HSD17B12: variants seen among roughly 807,000 people sequenced by gnomAD.
HSD17B12 encodes hydroxysteroid 17-beta dehydrogenase 12.
HSD17B12 carries 32 observed loss-of-function variants against 39.3 expected under a neutral mutation model. The ratio of observed to expected loss-of-function variants is 0.81; its 90% confidence interval spans 0.61 to 1.09. The LOEUF is 1.09. Ranked by LOEUF, HSD17B12 falls within the 50% of genes least tolerant of loss-of-function variation. The pLI, the probability that HSD17B12 is intolerant of heterozygous loss-of-function variation, is 0.00. For missense variants in HSD17B12, 342 were observed against 382.9 expected (o/e 0.89, Z 0.89); for synonymous variants, 150 against 146.7 (o/e 1.02, Z -0.16).
chr11:43,610,462 G>A, the HSD17B12 span, among the ~76,000 whole-genome samples: 1 of 152,158 alleles, frequency 6.6e-6, no homozygotes, highest in South Asian at 2.1e-4. Context: ...AAGACCACTA[G>A]CTCAATAGGA....
chr11:43,567,199 T>G, the HSD17B12 span, among the ~76,000 whole-genome samples: 1 of 152,202 alleles, frequency 6.6e-6, no homozygotes, highest in African/African-American at 2.4e-5. Context: ...CTTTAATGGC[T>G]GTCACTCTAG....
chr11:43,743,540 A>G (rs1314561024), intron 1 of HSD17B12, among the ~76,000 whole-genome samples: 2 of 152,158 alleles, frequency 1.3e-5, no homozygotes, highest in African/African-American at 4.8e-5. Flanking sequence ...TGTGCTTGAG[A>G]CTCAGGGAAA....
rs1565049669 is a variant in HSD17B12, at chr11:43,690,386, A to ATTTTTTTTT, written c.160+9400_160+9401insTTTTTTTTT. Among the ~76,000 whole-genome samples, 4 of 10,310 alleles carry ATTTTTTTTT rather than the reference A, an allele frequency of 3.9e-4. 1 individual carries two copies. The Admixed American group carries it at 3.9e-3, about 10-fold the overall frequency. 6.8% of individuals were successfully genotyped at this position (10,310 alleles called of 152,430 possible). A position where few individuals can be genotyped will look rare whatever the true frequency, so the allele number is the denominator to read the frequency against. On this transcript the variant is annotated intron_variant, in intron 1 of 10. Transcript: ENST00000278353. ...CATATATATATATATATATATATAT[A>ATTTTTTTTT]TATATATATATATATATATTTTTTT... is the stretch of plus-strand genomic sequence containing the variant.
the HSD17B12 span, among the ~76,000 whole-genome samples, chr11:43,577,331 G>A: frequency 6.6e-6 from 1 of 152,142 alleles, no homozygotes; most frequent in Non-Finnish European, 1.5e-5. Context: ...TGAGAGCTTT[G>A]GGGGGAAGGA....
At chr11:43,633,531 C>T in the HSD17B12 span, among the ~76,000 whole-genome samples, 9 of 151,358 alleles carry the variant, frequency 5.9e-5, no homozygotes, top group Admixed American at 5.3e-4. Context: ...GACCTTGTCT[C>T]AAAAAATAAA....
chr11:43,559,363 T>C, the HSD17B12 span, among the ~76,000 whole-genome samples: 2 of 152,190 alleles, frequency 1.3e-5, no homozygotes, highest in African/African-American at 4.8e-5. Context: ...TCCAGAAGAA[T>C]AGCACCTAAA....
At chr11:43,648,446 G>A in the HSD17B12 span, among the ~76,000 whole-genome samples, 1 of 151,994 alleles carries the variant, frequency 6.6e-6, no homozygotes, top group Admixed American at 6.6e-5. Flanking sequence ...ATGTATAGCT[G>A]TAGCTTCTTT....
chr11:43,792,070 A>G (rs1045723956), intron 3 of HSD17B12, among the ~76,000 whole-genome samples: 1 of 152,198 alleles, frequency 6.6e-6, no homozygotes, highest in African/African-American at 2.4e-5. Context: ...CTTCTGGTAC[A>G]CAATCACCTT....
chr11:43,631,311 A>G, the HSD17B12 span, among the ~76,000 whole-genome samples: 7 of 152,318 alleles, frequency 4.6e-5, no homozygotes, highest in South Asian at 6.2e-4. Context: ...GCATCTCTTT[A>G]TAAGTATTTA....
chr11:43,738,664 C>G (rs1473073513), intron 1 of HSD17B12, among the ~76,000 whole-genome samples: 2 of 152,170 alleles, frequency 1.3e-5, no homozygotes, highest in Non-Finnish European at 2.9e-5. Flanking sequence ...ATTCACTCAT[C>G]CATTCATACA....
the HSD17B12 span, among the ~76,000 whole-genome samples, chr11:43,661,588 G>A: frequency 7.2e-5 from 11 of 152,254 alleles, no homozygotes; most frequent in African/African-American, 2.2e-4. Flanking sequence ...AGAGGTGGGA[G>A]GATAGCTTGA....
At chr11:43,751,939 C>A (rs1227264038) in intron 2 of HSD17B12, among the ~76,000 whole-genome samples, 1 of 152,158 alleles carries the variant, frequency 6.6e-6, no homozygotes, top group African/African-American at 2.4e-5. Context: ...TAACATACAG[C>A]CCTTATGCAG....
At chr11:43,734,186 G>T (rs1950295105) in intron 1 of HSD17B12, 1 of 1,572,806 alleles carries the variant, frequency 6.4e-7, no homozygotes, top group East Asian at 2.3e-5. Context: ...GAGAGAGCTG[G>T]TCTCCAGGCA....
At chr11:43,742,136 TA>T (rs60613409) in intron 1 of HSD17B12, among the ~76,000 whole-genome samples, 2,706 of 73,938 alleles carry the variant, frequency 0.037, 81 homozygotes, top group African/African-American at 0.13. Context: ...TATATATATA[TA>T]TATTTTTTTT....
At chr11:43,607,314 G>GTGTGTGTGTA in the HSD17B12 span, among the ~76,000 whole-genome samples, 3 of 142,044 alleles carry the variant, frequency 2.1e-5, no homozygotes, top group Admixed American at 7.4e-5. Flanking sequence ...GTGTGTGTGT[G>GTGTGTGTGTA]TGTACCATGT....
the HSD17B12 span, among the ~76,000 whole-genome samples, chr11:43,570,833 G>T: frequency 2.6e-5 from 4 of 152,020 alleles, no homozygotes; most frequent in African/African-American, 9.7e-5. Context: ...ACTTTTATAG[G>T]TAAGCTAGCA....
At chr11:43,829,843 T>G (rs1179667105) in intron 6 of HSD17B12, 1 of 152,118 alleles carries the variant, frequency 6.6e-6, no homozygotes, top group Admixed American at 6.5e-5. Flanking sequence ...AGCTAAGCAT[T>G]ATGGTCCCTG....
At chr11:43,721,619 A>C (rs1950176960) in intron 1 of HSD17B12, among the ~76,000 whole-genome samples, 1 of 152,138 alleles carries the variant, frequency 6.6e-6, no homozygotes, top group African/African-American at 2.4e-5. Context: ...ACTCCATCTC[A>C]AAAAAGAAAA....
chr11:43,646,886 TA>T, the HSD17B12 span, among the ~76,000 whole-genome samples: 1 of 152,246 alleles, frequency 6.6e-6, no homozygotes, highest in African/African-American at 2.4e-5. Flanking sequence ...AAAAATGTGA[TA>T]AAATCTACTT....
Sources: gnomAD v4.1 joint callset for allele counts (sites outside exome capture counted in the v4.1 genomes callset) on GRCh38, gnomAD v4.1.1 for gene constraint, MANE v1.5 for transcripts, NCBI Gene and HGNC (gene_info 2026-07-23, HGNC 2026-07-21) for gene names.